Variants in MTSS2 observed in about 807,000 individuals in gnomAD.
MTSS2 encodes the protein protein MTSS 2.
A neutral mutation model predicts 67.1 loss-of-function variants in MTSS2; 27 were observed. The ratio of observed to expected loss-of-function variants is 0.40; its 90% CI spans 0.30 to 0.55. The LOEUF (loss-of-function observed/expected upper bound fraction) is 0.55. MTSS2 is among the 20% of genes least tolerant of loss of function. The pLI, the probability that MTSS2 is intolerant of heterozygous loss-of-function variation, is 0.43. For synonymous variants in MTSS2, 624 were observed against 468.6 expected (o/e 1.33, Z -4.28); for missense variants, 1,171 against 1,067.8 (o/e 1.10, Z -1.35).
In MTSS2 at chr16:70,661,388, G is replaced by T. The variant is rs1354084371; in HGVS notation, c.*2289C>A. ...CAGATGGGACGGAGGGTGGGGGAGG[G>T]GGGGAGGGTGAGTAGGAACCAGGAG... is the stretch of plus-strand genomic sequence containing the variant. On this transcript the variant is annotated 3_prime_UTR_variant, in exon 15 of 15. Transcript: ENST00000338779. The T allele has an allele frequency of 2.2e-5, 8 of 371,116 alleles. No homozygotes were observed. The highest frequency in any genetic ancestry group is 4.4e-5 in the African/African-American group (2 of 45,120). 23.0% of individuals were successfully genotyped at this position (371,116 alleles called of 1,614,324 possible).
At chr16:70,674,710 G>A (rs895694762) in intron 10 of MTSS2, among the ~76,000 whole-genome samples, 182 bp from the exon 11 acceptor site, 26 of 152,208 alleles carry the variant, frequency 1.7e-4, no homozygotes, top group Non-Finnish European at 3.4e-4. Flanking sequence ...GGGACGGTGT[G>A]GAAGGGGAGG....
chr16:70,663,804 T>G lies in MTSS2; in HGVS notation c.2117A>C (p.Glu706Ala). 1 of 1,492,180 alleles carries G rather than the reference T, an allele frequency of 6.7e-7. No individual in the cohort carries two copies. The highest frequency in any genetic ancestry group is 8.9e-7 in the Non-Finnish European group (1 of 1,119,106). The allele number at this position is 1,492,180 out of a possible 1,614,324, so 92.4% of individuals were successfully genotyped here. A position where few individuals can be genotyped will look rare whatever the true frequency, so the allele number is the denominator to read the frequency against. Reference sequence around the variant, plus strand: ...GGCGGCTGGGGGTGGGGTGGGCGTCTCCTCCGTGGGGGTGGCCGACAGAGC... The same window carrying G: ...GGCGGCTGGGGGTGGGGTGGGCGTCGCCTCCGTGGGGGTGGCCGACAGAGC... ...PTALSATPTE[E>A]TPTPPPAATS... is the part of the protein sequence containing the mutation. The change falls in exon 15 of 15, where the codon GAG (glutamate) becomes GCG (alanine). Residue 706 changes from glutamate (E) to alanine (A), a missense_variant. Glu to Ala is a moderately radical substitution (Grantham distance 107). This residue lies in a region of MTSS2 where 924 missense variants were observed against 756.0 expected (regional missense o/e 1.22). Transcript: ENST00000338779.
At chr16:70,675,352 G>T (rs937427265) in intron 10 of MTSS2, among the ~76,000 whole-genome samples, 1 of 152,048 alleles carries the variant, frequency 6.6e-6, no homozygotes. Context: ...GAACCCGGGA[G>T]GTCGAGGCCA....
rs1305597805 is a variant in MTSS2, at chr16:70,679,733, A to G, written c.383-29T>C. 3 of 1,610,382 alleles carry G rather than the reference A, an allele frequency of 1.9e-6. No homozygotes were observed. The African/African-American group carries it at 4.0e-5, about 22-fold the overall frequency. ...CAGAAGGGGAGAGCGGAGCGCTCTA[A>G]TGGGGTCCCTGCGGAGTGGGGGGTG... On this transcript the variant is annotated intron_variant, in intron 5 of 14. Coordinates refer to ENST00000338779, the MANE Select transcript of MTSS2 (RefSeq NM_138383.3).
In MTSS2 at chr16:70,661,966, G is replaced by A. The variant is rs145195433; in HGVS notation, c.*1711C>T. ...ACCTGCTCTCCTGGCCCCTAAAACC[G>A]GGGCTCTGGTGTTGGCCTGAGCTCC... On this transcript the variant is annotated 3_prime_UTR_variant, in exon 15 of 15. Coordinates refer to ENST00000338779, the MANE Select transcript of MTSS2 (RefSeq NM_138383.3). 666 of 153,518 alleles carry A rather than the reference G, an allele frequency of 4.3e-3. 4 individuals are homozygous for A. The highest frequency in any genetic ancestry group is 5.6e-3 in the Non-Finnish European group (388 of 68,992). 9.5% of individuals were successfully genotyped at this position (153,518 alleles called of 1,614,324 possible).
Position 70,679,880 on chromosome 16 carries a change from G to A in MTSS2, c.291-3C>T, listed in dbSNP as rs763006235. 5 of 1,596,658 alleles carry A rather than the reference G, an allele frequency of 3.1e-6. No individual in the cohort carries two copies. The highest frequency in any genetic ancestry group is 3.4e-5 in the Admixed American group (2 of 59,596). The stretch of plus-strand genomic sequence containing the variant: ...TGATGAGGCTCTCCAGCAGTGCGCT[G>A]CGGAGGGCGGGCGGGAGCGCAGGTC... On this transcript the variant is annotated splice_polypyrimidine_tract_variant and splice_region_variant and intron_variant, in intron 4 of 14. Coordinates refer to ENST00000338779, the MANE Select transcript of MTSS2 (RefSeq NM_138383.3).
At chr16:70,673,546 C>G (rs146265588) in intron 11 of MTSS2, among the ~76,000 whole-genome samples, 2 of 152,168 alleles carry the variant, frequency 1.3e-5, no homozygotes, top group East Asian at 1.9e-4. Context: ...CAGATCTATT[C>G]TAAAAGAACT....
Position 70,685,895 on chromosome 16 carries a change from C to A in MTSS2, c.-104G>T, listed in dbSNP as rs1428192557. The A allele has an allele frequency of 4.0e-6, 2 of 496,916 alleles. No individual in the cohort carries two copies. The highest frequency in any genetic ancestry group is 5.2e-6 in the Non-Finnish European group (2 of 388,306). The allele number at this position is 496,916 out of a possible 1,614,324, so 30.8% of individuals were successfully genotyped here. On this transcript the variant is annotated 5_prime_UTR_variant, in exon 1 of 15. Coordinates refer to ENST00000338779, the MANE Select transcript of MTSS2 (RefSeq NM_138383.3). ...GCGGGCGCTCGCTCCGAGGCCGGGC[C>A]GGGCCTCCCGCCTCCAGGCTGCGCT...
intron 1 of MTSS2, among the ~76,000 whole-genome samples, chr16:70,685,256 G>A (rs2053416223): frequency 6.6e-6 from 1 of 152,166 alleles, no homozygotes; most frequent in African/African-American, 2.4e-5. Flanking sequence ...AGAGGCCTAG[G>A]TCGGCGGGGA....
At chr16:70,672,011 G>C (rs895174670) in intron 11 of MTSS2, among the ~76,000 whole-genome samples, 1 of 152,230 alleles carries the variant, frequency 6.6e-6, no homozygotes, top group African/African-American at 2.4e-5. Context: ...GTGAGAAACT[G>C]TCACGAGCTG....
Position 70,664,970 on chromosome 16 carries a change from C to T in MTSS2, c.1255G>A (p.Gly419Arg), listed in dbSNP as rs373050271. The change falls in exon 13 of 15, where the codon GGG (glycine) becomes AGG (arginine). Residue 419 changes from glycine (G) to arginine (R), a missense_variant. By Grantham distance (125) the Gly-to-Arg change is moderately radical. This residue lies in a region of MTSS2 where 924 missense variants were observed against 756.0 expected (regional missense o/e 1.22). Coordinates refer to ENST00000338779, the MANE Select transcript of MTSS2 (RefSeq NM_138383.3). ...ATCCGGGGTCGCGGTGCCTCTTCCC[C>T]GCTGGGGCCCAGGGTGCCCCCACTG... is the stretch of plus-strand genomic sequence containing the variant. ...PASGGTLGPS[G>R]EEAPRPRMSP... The T allele has an allele frequency of 1.1e-4, 167 of 1,579,262 alleles. No homozygotes were observed. Among genetic ancestry groups the T allele is most frequent in the East Asian group, 1.8e-4 (8 of 44,096 alleles).
Position 70,663,609 on chromosome 16 carries a change from T to C in MTSS2, c.*68A>G. ...CTCCTGGCTGGGCCTTTGCTCTGAG[T>C]GCCTGCGGCTCACAGACCAGGCCAC... On this transcript the variant is annotated 3_prime_UTR_variant, in exon 15 of 15. Coordinates refer to ENST00000338779, the MANE Select transcript of MTSS2 (RefSeq NM_138383.3). 1 of 1,470,830 alleles carries C rather than the reference T, an allele frequency of 6.8e-7. No homozygotes were observed. The highest frequency in any genetic ancestry group is 1.4e-5 in the South Asian group (1 of 70,362). The allele number at this position is 1,470,830 out of a possible 1,614,324, so 91.1% of individuals were successfully genotyped here.
At chr16:70,671,750 T>C (rs1684537753) in intron 11 of MTSS2, among the ~76,000 whole-genome samples, 1 of 152,126 alleles carries the variant, frequency 6.6e-6, no homozygotes, top group Non-Finnish European at 1.5e-5. Flanking sequence ...GTGGAGAAAC[T>C]TGGCACACGC....
chr16:70,681,908 G>C (rs898800074), intron 1 of MTSS2, among the ~76,000 whole-genome samples: 2 of 152,218 alleles, frequency 1.3e-5, no homozygotes, highest in Admixed American at 6.5e-5. Context: ...GCCCCTTGAC[G>C]GGCAGCCCTG....
chr16:70,674,248 G>T, intron 11 of MTSS2, 58 bp downstream of exon 11: 4 of 1,521,830 alleles, frequency 2.6e-6, no homozygotes, highest in Non-Finnish European at 1.8e-6. Context: ...TGGCTTGCCT[G>T]ATGCTGGCAT....
Position 70,664,329 on chromosome 16 carries a change from A to T in MTSS2, c.1592T>A (p.Ile531Asn). The T allele has an allele frequency of 6.3e-7, 1 of 1,597,290 alleles. No individual in the cohort carries two copies. The highest frequency in any genetic ancestry group is 8.5e-7 in the Non-Finnish European group (1 of 1,174,054). The change falls in exon 15 of 15, where the codon ATC (isoleucine) becomes AAC (asparagine). Residue 531 changes from isoleucine (I) to asparagine (N), a missense_variant. Ile to Asn is a moderately radical substitution (Grantham distance 149). Coordinates refer to ENST00000338779, the MANE Select transcript of MTSS2 (RefSeq NM_138383.3). The part of the protein sequence containing the change: ...SNIAQNYRRL[I>N]QTKRPASTAG... ...AGTGGAGGCTGGGCGCTTGGTCTGG[A>T]TCAGGCGGCGGTAGTTCTGGGCGAT...
intron 11 of MTSS2, among the ~76,000 whole-genome samples, chr16:70,670,396 A>G (rs1405333556): frequency 6.6e-6 from 1 of 152,250 alleles, no homozygotes; most frequent in East Asian, 1.9e-4. Context: ...TGCATATCCC[A>G]TGACTTTGCA....
rs2052465649 is a variant in MTSS2, at chr16:70,661,464, G to C, written c.*2213C>G. The C allele has an allele frequency of 2.8e-6, 1 of 359,132 alleles. No homozygotes were observed. The allele number at this position is 359,132 out of a possible 1,614,324, so 22.2% of individuals were successfully genotyped here. A position where few individuals can be genotyped will look rare whatever the true frequency, so the allele number is the denominator to read the frequency against. Reference sequence around the variant, plus strand: ...TAAAAAAAGGAACGAGTTAACAACAGCACCAGGAAAGTTACTTCAGTCAAA... The same window carrying C: ...TAAAAAAAGGAACGAGTTAACAACACCACCAGGAAAGTTACTTCAGTCAAA... On this transcript the variant is annotated 3_prime_UTR_variant, in exon 15 of 15. Coordinates refer to ENST00000338779, the MANE Select transcript of MTSS2 (RefSeq NM_138383.3).
intron 6 of MTSS2, 138 bp from the exon 7 acceptor site, chr16:70,679,461 G>T: frequency 7.9e-7 from 1 of 1,273,130 alleles, no homozygotes; most frequent in Non-Finnish European, 1.1e-6. Context: ...TTCTGGACCA[G>T]GTTTGGGGGG....
Sources: gnomAD v4.1 joint callset for allele counts (sites outside exome capture counted in the v4.1 genomes callset) on GRCh38, gnomAD v4.1.1 for gene constraint, gnomAD v4.1.1 regional missense constraint, MANE v1.5 for transcripts, NCBI Gene and HGNC (gene_info 2026-07-23, HGNC 2026-07-21) for gene names.